SYNPO2: variants seen among roughly 807,000 people sequenced by gnomAD.
The protein encoded by SYNPO2 is synaptopodin 2.
SYNPO2 carries 56 observed loss-of-function variants against 85.0 expected under a neutral mutation model. The observed-to-expected ratio is 0.66, with a 90% CI of 0.53 to 0.82. The LOEUF is 0.82. Among genes scored for constraint, SYNPO2 ranks in the 40% least tolerant of loss-of-function variants. The pLI, the probability that SYNPO2 is intolerant of heterozygous loss-of-function variation, is 0.00. For synonymous variants in SYNPO2, 602 were observed against 591.1 expected, an observed-to-expected ratio of 1.02 and a Z score of -0.27; for missense variants, 1,575 against 1,534.2, an observed-to-expected ratio of 1.03 and a Z score of -0.44.
Position 119,029,965 on chromosome 4 carries a change from T to G in SYNPO2, c.1190T>G (p.Phe397Cys). Reference protein sequence around the residue: ...PNPNSKGVLMFKKRRRRARKY... With the variant: ...PNPNSKGVLMCKKRRRRARKY... ...CCCAACTCCAAGGGGGTGTTGATGT[T>G]TAAGAAGCGACGTCGGAGGGCCAGG... The change falls in exon 4 of 5, where the codon TTT (phenylalanine) becomes TGT (cysteine). Residue 397 changes from phenylalanine (F) to cysteine (C), a missense_variant. Around this residue, in one of 3 missense-constraint regions of SYNPO2, gnomAD observed 1,508 missense variants for 1,446.8 expected, o/e 1.04. Coordinates refer to ENST00000307142, the MANE Select transcript of SYNPO2 (RefSeq NM_133477.3). 6.2e-7 allele frequency: 1 copy of G among 1,614,088 alleles called. No homozygotes were observed. Among genetic ancestry groups the G allele is most frequent in the Non-Finnish European group, 8.5e-7 (1 of 1,179,998 alleles).
intron 1 of SYNPO2, among the ~76,000 whole-genome samples, chr4:119,017,558 T>C (rs575086369): frequency 2.7e-5 from 4 of 150,144 alleles, no homozygotes; most frequent in South Asian, 2.1e-4. Context: ...AAAAAAAAAA[T>C]CTCTAAAACT....
chr4:118,992,551 T>A (rs920280624), intron 1 of SYNPO2, among the ~76,000 whole-genome samples: 1 of 152,148 alleles, frequency 6.6e-6, no homozygotes, highest in Non-Finnish European at 1.5e-5. Flanking sequence ...GCCTTATTAT[T>A]ATTAGGAAAT....
At chr4:118,983,693 G>T (rs1481193429) in intron 1 of SYNPO2, among the ~76,000 whole-genome samples, 3 of 152,092 alleles carry the variant, frequency 2.0e-5, no homozygotes, top group Non-Finnish European at 4.4e-5. Context: ...CCCTTTATCT[G>T]CTGTGTTCTT....
chr4:118,918,859 T>C (rs1733441900), intron 1 of SYNPO2, among the ~76,000 whole-genome samples: 1 of 152,164 alleles, frequency 6.6e-6, no homozygotes, highest in Non-Finnish European at 1.5e-5. Flanking sequence ...ATCAAGTATT[T>C]TGAAGGTAAT....
intron 1 of SYNPO2, among the ~76,000 whole-genome samples, chr4:118,900,723 ATATATATATGTC>A (rs1320275240): frequency 5.5e-4 from 62 of 113,256 alleles, no homozygotes; most frequent in African/African-American, 1.8e-3. Flanking sequence ...ATATATATAT[ATATATATATGTC>A]TGTCTGTCTA....
At chr4:118,873,251 G>T (rs541892229) in intron 1 of SYNPO2, among the ~76,000 whole-genome samples, 45 of 152,264 alleles carry the variant, frequency 3.0e-4, no homozygotes, top group Admixed American at 6.5e-4. Flanking sequence ...TCTAATTTTA[G>T]TTCTTTGAGA....
intron 1 of SYNPO2, among the ~76,000 whole-genome samples, chr4:118,947,606 ATAT>A (rs1734550922): frequency 1.3e-5 from 2 of 152,218 alleles, no homozygotes; most frequent in Non-Finnish European, 1.5e-5. Flanking sequence ...AATTGGTATA[ATAT>A]TAATAAAACC....
chr4:119,009,792 A>C (rs1354645485), intron 1 of SYNPO2, among the ~76,000 whole-genome samples: 1 of 152,198 alleles, frequency 6.6e-6, no homozygotes, highest in Non-Finnish European at 1.5e-5. Context: ...CTTATAATAG[A>C]AGGCCATTAA....
In SYNPO2 at chr4:119,057,501, CA is replaced by C; in HGVS notation, c.3355del (p.Thr1119ProfsTer4). The C allele has an allele frequency of 1.2e-6, 2 of 1,614,026 alleles. No homozygotes were observed. The highest frequency in any genetic ancestry group is 1.7e-6 in the Non-Finnish European group (2 of 1,180,012). On this transcript the variant is annotated frameshift_variant, in exon 5 of 5. Coordinates refer to ENST00000307142, the MANE Select transcript of SYNPO2 (RefSeq NM_133477.3). LOFTEE classifies it low-confidence loss of function (END_TRUNC). ...CCTACTTATAGTTACTCTAGTAAAC[CA>C]ACCGATGGACTAGAGAAAGCAAACA... is the stretch of plus-strand genomic sequence containing the variant. Reference protein sequence around the residue: ...YQPTYSYSSKPTDGLEKANKR... With the variant: ...YQPTYSYSSKXTDGLEKANKR...
upstream of SYNPO2, among the ~76,000 whole-genome samples, chr4:118,885,519 C>A (rs551333665): frequency 2.0e-5 from 3 of 149,300 alleles, no homozygotes; most frequent in Non-Finnish European, 4.4e-5. Context: ...ATTGCCCAGG[C>A]TGGAGTGCAG....
At position 119,030,709 on chromosome 4, in the gene SYNPO2, A is replaced by G. The variant is rs1486625562; in HGVS notation, c.1934A>G (p.Gln645Arg). The G allele has an allele frequency of 3.1e-6, 5 of 1,614,144 alleles. No individual in the cohort carries two copies. In the African/African-American group the frequency reaches 5.3e-5, roughly 17 times the overall value. ...GVSSPIAGPA[Q>R]PPPWPQPAPW... ...TCAAGTCCGATTGCTGGCCCAGCAC[A>G]GCCCCCTCCATGGCCCCAGCCTGCC... The change falls in exon 4 of 5, where the codon CAG becomes CGG. Residue 645 changes from glutamine to arginine, a missense_variant. Gln to Arg is a conservative substitution (Grantham distance 43). Around this residue, in one of 3 missense-constraint regions of SYNPO2, gnomAD observed 1,508 missense variants for 1,446.8 expected, o/e 1.04. Coordinates refer to ENST00000307142, the MANE Select transcript of SYNPO2 (RefSeq NM_133477.3).
intron 1 of SYNPO2, among the ~76,000 whole-genome samples, chr4:118,940,699 G>A (rs1036819806): frequency 8.5e-5 from 13 of 152,234 alleles, no homozygotes; most frequent in African/African-American, 3.1e-4. Flanking sequence ...GCAATGCTTG[G>A]GGCTGAGTCT....
chr4:118,892,427 CAG>C (rs1414703946), intron 1 of SYNPO2, among the ~76,000 whole-genome samples: 14 of 152,064 alleles, frequency 9.2e-5, no homozygotes, highest in Non-Finnish European at 1.5e-4. Context: ...AGATTATAAA[CAG>C]AAACAAATTT....
Position 119,030,872 on chromosome 4 carries a change from T to C in SYNPO2, c.2097T>C (p.Phe699=). 1.2e-6 allele frequency: 2 copies of C among 1,614,158 alleles called. No individual in the cohort carries two copies. The highest frequency in any genetic ancestry group is 1.7e-6 in the Non-Finnish European group (2 of 1,180,042). Residue 699 remains phenylalanine (F), a synonymous_variant, in exon 4 of 5, where the codon TTT becomes TTC. Transcript: ENST00000307142. ...GCACGACAAAACCCATGTTTACTTT[T>C]AAAGAGCCCAAAGTAAGCCCAAATC... ...RRSTTKPMFT[F]KEPKVSPNPE...
chr4:118,948,823 G>T (rs1484831602), intron 1 of SYNPO2, among the ~76,000 whole-genome samples: 1 of 152,184 alleles, frequency 6.6e-6, no homozygotes, highest in Non-Finnish European at 1.5e-5. Flanking sequence ...TCCAGTTGGG[G>T]ATTAAATTTC....
chr4:118,989,396 C>T (rs546369735), intron 1 of SYNPO2, among the ~76,000 whole-genome samples: 1 of 152,340 alleles, frequency 6.6e-6, no homozygotes, highest in East Asian at 1.9e-4. Context: ...GAGCCTGAAA[C>T]TGTGACTCAA....
chr4:118,944,999 T>G (rs1182108312), intron 1 of SYNPO2, among the ~76,000 whole-genome samples: 1 of 152,236 alleles, frequency 6.6e-6, no homozygotes. Flanking sequence ...TCTCTGAACC[T>G]CAGCTCCTTA....
intron 1 of SYNPO2, among the ~76,000 whole-genome samples, chr4:118,993,049 G>T (rs116184914): frequency 0.018 from 2,810 of 152,266 alleles, 32 homozygotes; most frequent in Non-Finnish European, 0.031. Flanking sequence ...GAGTCGATCT[G>T]CAAGATAATA....
chr4:118,895,481 C>CATGT (rs1366171671), intron 1 of SYNPO2, among the ~76,000 whole-genome samples: 1 of 152,174 alleles, frequency 6.6e-6, no homozygotes, highest in African/African-American at 2.4e-5. Context: ...AATTCTGGAG[C>CATGT]ATGTGTATGG....
Sources: gnomAD v4.1 joint callset for allele counts (sites outside exome capture counted in the v4.1 genomes callset) on GRCh38, gnomAD v4.1.1 for gene constraint, gnomAD v4.1.1 regional missense constraint, MANE v1.5 for transcripts, NCBI Gene and HGNC (gene_info 2026-07-23, HGNC 2026-07-21) for gene names.